LRRC8C: variants seen among roughly 807,000 people sequenced by gnomAD.
The protein encoded by LRRC8C is leucine rich repeat containing 8 VRAC subunit C, also known as volume-regulated anion channel subunit LRRC8C.
Under a neutral mutation model 55.3 loss-of-function variants are expected in LRRC8C, and 20 were observed. The ratio of observed to expected loss-of-function variants is 0.36; its 90% CI spans 0.25 to 0.53. LRRC8C has a LOEUF of 0.53. Among genes scored for constraint, LRRC8C ranks in the 20% least tolerant of loss-of-function variants. LRRC8C has a pLI of 0.92. For missense variants in LRRC8C, 659 were observed against 951.4 expected, an observed-to-expected ratio of 0.69 and a Z score of 4.04; for synonymous variants, 376 against 360.7, an observed-to-expected ratio of 1.04 and a Z score of -0.48.
rs186630608 is a variant in LRRC8C at position 89,708,629 on chromosome 1, T to A, written c.139-4080T>A. On this transcript the variant is annotated intron_variant, in intron 2 of 2. Transcript: ENST00000370454. ...AAAGAAGAAGAAGCTGCCTGCCTTA[T>A]TTTTTTTCTTATTTTTCTCTTTGAA... The A allele has an allele frequency of 2.3e-3, 355 of 152,236 alleles. 4 individuals carry two copies. The highest frequency in any genetic ancestry group is 7.9e-3 in the African/African-American group (330 of 41,516). 9.4% of individuals were successfully genotyped at this position (152,236 alleles called of 1,614,324 possible). A position where few individuals can be genotyped will look rare whatever the true frequency, so the allele number is the denominator to read the frequency against.
At chr1:89,692,079 A>G (rs909922786) in intron 2 of LRRC8C, among the ~76,000 whole-genome samples, 8 of 152,224 alleles carry the variant, frequency 5.3e-5, no homozygotes, top group African/African-American at 1.9e-4. Flanking sequence ...CTCTTATTTT[A>G]GCTCTGCTAT....
intron 1 of LRRC8C, among the ~76,000 whole-genome samples, chr1:89,655,923 C>T (rs1272509562): frequency 6.6e-6 from 1 of 152,202 alleles, no homozygotes; most frequent in Non-Finnish European, 1.5e-5. Flanking sequence ...GTTTATATGC[C>T]ATTGGCTAGG....
chr1:89,690,047 C>T (rs772808515), intron 2 of LRRC8C, among the ~76,000 whole-genome samples: 3 of 151,948 alleles, frequency 2.0e-5, no homozygotes, highest in African/African-American at 2.4e-5. Context: ...TAAACATCAA[C>T]GTGGAGATAT....
rs781633185 is a variant in LRRC8C, at chr1:89,713,867, C to G, written c.1297C>G (p.Leu433Val). ...HNRLELPLIM[L>V]SGLPDTVFEI... is the part of the protein sequence containing the mutation. Reference sequence around the variant, plus strand: ...TCGACTGGAATTGCCTCTTATCATGCTCTCTGGCCTTCCAGACACTGTTTT... The same window carrying G: ...TCGACTGGAATTGCCTCTTATCATGGTCTCTGGCCTTCCAGACACTGTTTT... The change falls in exon 3 of 3, where the codon CTC becomes GTC. Residue 433 changes from leucine to valine, a missense_variant. By Grantham distance (32) the Leu-to-Val change is conservative (BLOSUM62 1). Around this residue, in one of 5 missense-constraint regions of LRRC8C, gnomAD observed 344 missense variants for 464.6 expected, o/e 0.74. Transcript: ENST00000370454. The surrounding 1 kb of genome is among the most constrained non-coding windows in gnomAD (Gnocchi z 5.2). The G allele has an allele frequency of 6.2e-7, 1 of 1,614,196 alleles. No individual in the cohort carries two copies. The highest frequency in any genetic ancestry group is 1.1e-5 in the South Asian group (1 of 91,086).
intron 1 of LRRC8C, among the ~76,000 whole-genome samples, chr1:89,660,877 TTCCTAAA>T (rs933005498): frequency 1.3e-5 from 2 of 152,230 alleles, no homozygotes; most frequent in African/African-American, 4.8e-5. Context: ...GGGTTGTTTC[TTCCTAAA>T]TCTCTCATGC....
the LRRC8C span, among the ~76,000 whole-genome samples, chr1:89,619,457 TAATC>T: frequency 1.3e-5 from 2 of 149,862 alleles, no homozygotes; most frequent in South Asian, 4.2e-4. Flanking sequence ...CAAATTTAAA[TAATC>T]AAATAAACTT....
rs759683039 is a variant in LRRC8C at position 89,714,458 on chromosome 1, A to G, written c.1888A>G (p.Ile630Val). 1 of 1,614,212 alleles carries G rather than the reference A, an allele frequency of 6.2e-7. No individual in the cohort carries two copies. The highest frequency in any genetic ancestry group is 2.2e-5 in the East Asian group (1 of 44,884). The change falls in exon 3 of 3, where the codon ATC becomes GTC. Residue 630 changes from isoleucine (I) to valine (V), a missense_variant. Coordinates refer to ENST00000370454, the MANE Select transcript of LRRC8C (RefSeq NM_032270.5). This position sits in a 1 kb window ranked among gnomAD's most constrained non-coding sequence, Gnocchi z 4.6. Reference protein sequence around the residue: ...KENNLKSIEEIVSFQHLRKLT... With the variant: ...KENNLKSIEEVVSFQHLRKLT... ...AAACAATCTGAAATCTATAGAAGAA[A>G]TCGTTAGCTTTCAGCACTTAAGAAA...
rs1020133549 is a variant in LRRC8C, at chr1:89,651,350, C to T, written c.-5+18028C>T. Among the ~76,000 whole-genome samples the T allele has an allele frequency of 2.6e-5, 4 of 152,182 alleles. No individual in the cohort carries two copies. The East Asian group carries it at 7.7e-4, about 29-fold the overall frequency. Reference sequence around the variant, plus strand: ...TTGGGAGGCCAAGGTGGGCAGATCACGAGGTCAGGAGATCGAGACCATCCT... The same window carrying T: ...TTGGGAGGCCAAGGTGGGCAGATCATGAGGTCAGGAGATCGAGACCATCCT... On this transcript the variant is annotated intron_variant, in intron 1 of 2. Coordinates refer to ENST00000370454, the MANE Select transcript of LRRC8C (RefSeq NM_032270.5).
rs548605736 is a variant in LRRC8C at position 89,704,907 on chromosome 1, A to G, written c.139-7802A>G. ...AGAACTAGAAATACCATTTGACCCA[A>G]CCATCCCATTACTGGGTATATACCC... On this transcript the variant is annotated intron_variant, in intron 2 of 2. Coordinates refer to ENST00000370454, the MANE Select transcript of LRRC8C (RefSeq NM_032270.5). Among the ~76,000 whole-genome samples the G allele has an allele frequency of 1.4e-4, 22 of 151,994 alleles. 1 individual carries two copies. The highest frequency in any genetic ancestry group is 2.4e-4 in the African/African-American group (10 of 41,394).
chr1:89,659,061 T>TTTTTG (rs1294718324), intron 1 of LRRC8C, among the ~76,000 whole-genome samples: 595 of 53,892 alleles, frequency 0.011, 14 homozygotes, highest in African/African-American at 0.036. Context: ...TTTTTTTTTT[T>TTTTTG]TGTGTGTGTG....
intron 1 of LRRC8C, chr1:89,668,324 C>T (rs1008500755): frequency 6.6e-6 from 1 of 152,328 alleles, no homozygotes; most frequent in Non-Finnish European, 1.5e-5. Context: ...TAACCAAGAG[C>T]ATAACACAAA....
intron 1 of LRRC8C, among the ~76,000 whole-genome samples, chr1:89,645,314 A>C (rs1557647055): frequency 6.6e-6 from 1 of 152,194 alleles, no homozygotes; most frequent in Non-Finnish European, 1.5e-5. Flanking sequence ...GATAGAAATA[A>C]TATAATCTGA....
Position 89,717,505 on chromosome 1 carries a change from G to GGGTAA in LRRC8C, c.*2524_*2525insGTAAG, listed in dbSNP as rs1658861344. The stretch of plus-strand genomic sequence containing the variant: ...CCCAACCTAAGTTTTGATAACATCT[G>GGGTAA]GTAAGTCAGTATAGTTCTGTGACTT... On this transcript the variant is annotated 3_prime_UTR_variant, in exon 3 of 3. Transcript: ENST00000370454. 1 of 151,948 alleles carries GGGTAA rather than the reference G, an allele frequency of 6.6e-6. No individual in the cohort carries two copies. Among genetic ancestry groups the GGGTAA allele is most frequent in the South Asian group, 2.1e-4 (1 of 4,808 alleles). The allele number at this position is 151,948 out of a possible 1,614,324, so 9.4% of individuals were successfully genotyped here. A position where few individuals can be genotyped will look rare whatever the true frequency, so the allele number is the denominator to read the frequency against.
intron 2 of LRRC8C, among the ~76,000 whole-genome samples, chr1:89,693,848 A>C (rs1570730589): frequency 2.0e-5 from 3 of 151,146 alleles, no homozygotes; most frequent in African/African-American, 7.3e-5. Context: ...GTGGAGACAG[A>C]GTTTAACCAT....
At chr1:89,660,387 A>G (rs752965618) in intron 1 of LRRC8C, among the ~76,000 whole-genome samples, 10 of 152,324 alleles carry the variant, frequency 6.6e-5, no homozygotes, top group Middle Eastern at 3.4e-3. Context: ...AAAACAAAAC[A>G]AAACAAAAAC....
At chr1:89,706,486 G>A in intron 2 of LRRC8C, 8 of 348,296 alleles carry the variant, frequency 2.3e-5, no homozygotes, top group East Asian at 8.0e-5. Flanking sequence ...TTCTAACAAA[G>A]GACTAAGACT....
At chr1:89,617,410 C>T in the LRRC8C span, among the ~76,000 whole-genome samples, 23 of 152,296 alleles carry the variant, frequency 1.5e-4, no homozygotes, top group African/African-American at 5.3e-4. Flanking sequence ...GATTCATGGG[C>T]ATGATTCCTT....
rs994022010 is a variant in LRRC8C, at chr1:89,716,567, C to A, written c.*1585C>A. 1 of 152,172 alleles carries A rather than the reference C, an allele frequency of 6.6e-6. No homozygotes were observed. The highest frequency in any genetic ancestry group is 6.5e-5 in the Admixed American group (1 of 15,280). The allele number at this position is 152,172 out of a possible 1,614,324, so 9.4% of individuals were successfully genotyped here. A position where few individuals can be genotyped will look rare whatever the true frequency, so the allele number is the denominator to read the frequency against. ...ATGGGCTCTTGGGCAAAATATTTCA[C>A]TGACTATTAAGCATGTAGAACAGGA... On this transcript the variant is annotated 3_prime_UTR_variant, in exon 3 of 3. Transcript: ENST00000370454.
upstream of LRRC8C, among the ~76,000 whole-genome samples, chr1:89,630,726 C>T (rs1425907934): frequency 2.0e-5 from 3 of 152,204 alleles, no homozygotes; most frequent in African/African-American, 7.2e-5. Flanking sequence ...AAGCCTTGTA[C>T]TTCTTTAAGA....
Sources: allele counts gnomAD v4.1 joint callset (sites outside exome capture counted in the v4.1 genomes callset), GRCh38; gene constraint gnomAD v4.1.1; regional missense constraint gnomAD v4.1.1; non-coding constraint Gnocchi (gnomAD v3.1); transcripts MANE v1.5; gene names NCBI Gene and HGNC (gene_info 2026-07-23, HGNC 2026-07-21).